VPS45: variants seen among roughly 807,000 people sequenced by gnomAD.
The protein encoded by VPS45 is vacuolar protein sorting 45 homolog.
A neutral mutation model predicts 75.9 loss-of-function variants in VPS45; 35 were observed. The ratio of observed to expected loss-of-function variants is 0.46; its 90% CI spans 0.35 to 0.61. VPS45 has a LOEUF of 0.61. VPS45 is among the 20% of genes least tolerant of loss of function. VPS45 has a pLI of 0.00. For missense variants in VPS45, 559 were observed against 685.9 expected, an observed-to-expected ratio of 0.81 and a Z score of 2.07; for synonymous variants, 220 against 238.2, an observed-to-expected ratio of 0.92 and a Z score of 0.70.
intron 10 of VPS45, among the ~76,000 whole-genome samples, chr1:150,084,970 A>G (rs1436784737): frequency 6.6e-6 from 1 of 152,074 alleles, no homozygotes; most frequent in Non-Finnish European, 1.5e-5. Flanking sequence ...TGGGTGCTCT[A>G]GTTATACCAG....
intron 14 of VPS45, among the ~76,000 whole-genome samples, chr1:150,138,565 T>TTAAA (rs1161571271): frequency 6.6e-6 from 1 of 152,164 alleles, no homozygotes; most frequent in Non-Finnish European, 1.5e-5. Flanking sequence ...GTCCTTTGCA[T>TTAAA]TATAGATGTT....
At chr1:150,075,138 CT>C (rs34217482) in intron 3 of VPS45, among the ~76,000 whole-genome samples, 2 of 119,244 alleles carry the variant, frequency 1.7e-5, no homozygotes, top group Admixed American at 8.7e-5. Flanking sequence ...TTAAAATTGT[CT>C]TTTTTTTTTT....
intron 3 of VPS45, among the ~76,000 whole-genome samples, chr1:150,073,068 A>T (rs1571815259): frequency 6.6e-6 from 1 of 152,244 alleles, no homozygotes; most frequent in Non-Finnish European, 1.5e-5. Context: ...GGTAGGGGAG[A>T]TCTGGAAATA....
In VPS45 at chr1:150,132,463, T is replaced by C. The variant is rs782313655; in HGVS notation, c.1626-12246T>C. ...CTACCAATTTTAAAGAGCCATCAAT[T>C]TGATGCCACTGGAATTATTTAAATA... On this transcript the variant is annotated intron_variant, in intron 14 of 14. Coordinates refer to ENST00000644510, the MANE Select transcript of VPS45 (RefSeq NM_007259.5). 2.0e-5 allele frequency among the ~76,000 whole-genome samples: 3 copies of C among 152,232 alleles called. No individual in the cohort carries two copies. In the East Asian group the frequency reaches 5.8e-4, roughly 29 times the overall value.
At chr1:150,086,706 G>A (rs1553800752) in intron 10 of VPS45, among the ~76,000 whole-genome samples, 1 of 152,108 alleles carries the variant, frequency 6.6e-6, no homozygotes, top group African/African-American at 2.4e-5. Context: ...TTAAGAAAAG[G>A]AATACTGGCT....
chr1:150,141,912 G>A (rs1348931047), intron 14 of VPS45, among the ~76,000 whole-genome samples: 2 of 152,180 alleles, frequency 1.3e-5, no homozygotes, highest in East Asian at 1.9e-4. Context: ...CAACGGAGAA[G>A]GGGATTTTTG....
chr1:150,123,334 G>C (rs892974813), intron 14 of VPS45, among the ~76,000 whole-genome samples: 1 of 152,108 alleles, frequency 6.6e-6, no homozygotes. Flanking sequence ...AAACATTTAT[G>C]TACAAGTTTT....
intron 3 of VPS45, 109 bp downstream of exon 3, chr1:150,072,335 T>C: frequency 3.8e-6 from 3 of 796,562 alleles, no homozygotes; most frequent in Non-Finnish European, 5.8e-6. Context: ...ACTATAAAAG[T>C]CTAGTTTATT....
chr1:150,096,884 A>G (rs1456285534), intron 13 of VPS45, among the ~76,000 whole-genome samples: 1 of 152,186 alleles, frequency 6.6e-6, no homozygotes, highest in Non-Finnish European at 1.5e-5. Context: ...CAAGTACACA[A>G]AGATACTTAA....
chr1:150,133,766 C>T lies in VPS45; in HGVS notation c.1626-10943C>T, dbSNP rs114235528. Among the ~76,000 whole-genome samples, 836 of 152,276 alleles carry T rather than the reference C, an allele frequency of 5.5e-3. 7 individuals are homozygous for T. The highest frequency in any genetic ancestry group is 0.027 in the Middle Eastern group (8 of 294). On this transcript the variant is annotated intron_variant, in intron 14 of 14. Coordinates refer to ENST00000644510, the MANE Select transcript of VPS45 (RefSeq NM_007259.5). Reference sequence around the variant, plus strand: ...GATAACTACCTTTCAGATATGTTCTCAGATGATAACCACCTTTCAGATCTC... The same window carrying T: ...GATAACTACCTTTCAGATATGTTCTTAGATGATAACCACCTTTCAGATCTC...
At chr1:150,073,100 A>G (rs139902146) in intron 3 of VPS45, among the ~76,000 whole-genome samples, 211 of 152,310 alleles carry the variant, frequency 1.4e-3, no homozygotes, top group Middle Eastern at 3.4e-3. Context: ...TGTTTACTAT[A>G]CAATTTACAT....
At chr1:150,086,278 AC>A (rs1553800646) in intron 10 of VPS45, among the ~76,000 whole-genome samples, 2 of 152,118 alleles carry the variant, frequency 1.3e-5, no homozygotes, top group South Asian at 4.1e-4. Flanking sequence ...AATAGTACTT[AC>A]CTCAGAATTG....
chr1:150,114,927 A>T (rs1243145004), intron 14 of VPS45, among the ~76,000 whole-genome samples: 1 of 150,424 alleles, frequency 6.6e-6, no homozygotes, highest in Admixed American at 6.6e-5. Context: ...AAACTTTAGT[A>T]TTTTTTTCAG....
At chr1:150,073,063 G>A (rs1178033649) in intron 3 of VPS45, among the ~76,000 whole-genome samples, 3 of 152,062 alleles carry the variant, frequency 2.0e-5, no homozygotes, top group African/African-American at 7.2e-5. Context: ...GGTTAGGTAG[G>A]GGAGATCTGG....
intron 13 of VPS45, among the ~76,000 whole-genome samples, chr1:150,097,552 C>G: frequency 6.6e-6 from 1 of 151,548 alleles, no homozygotes. Flanking sequence ...AACCCTGTCT[C>G]TACTAAAAAT....
In VPS45 at chr1:150,099,805, C is replaced by T. The variant is rs1448417584; in HGVS notation, c.1493+6157C>T. Among the ~76,000 whole-genome samples, 16 of 144,490 alleles carry T rather than the reference C, an allele frequency of 1.1e-4. No homozygotes were observed. The South Asian group carries it at 3.5e-3, about 31-fold the overall frequency. The allele number at this position is 144,490 out of a possible 152,430, so 94.8% of individuals were successfully genotyped here. The stretch of plus-strand genomic sequence containing the variant: ...CCAAAATCAAGCCACTGCTCTCCAG[C>T]CTGGGGGACAGAGCGAGACTCCGTC... On this transcript the variant is annotated intron_variant, in intron 13 of 14. Coordinates refer to ENST00000644510, the MANE Select transcript of VPS45 (RefSeq NM_007259.5).
intron 10 of VPS45, among the ~76,000 whole-genome samples, chr1:150,084,167 T>G (rs1325273548): frequency 1.3e-5 from 2 of 151,500 alleles, no homozygotes; most frequent in African/African-American, 4.9e-5. Context: ...CTGTAGAGAG[T>G]GAGTATGAAA....
At chr1:150,120,655 GT>G (rs1293627808) in intron 14 of VPS45, among the ~76,000 whole-genome samples, 3 of 152,012 alleles carry the variant, frequency 2.0e-5, no homozygotes, top group Non-Finnish European at 2.9e-5. Flanking sequence ...ATATTTTTTA[GT>G]GATTCAGGCG....
intron 9 of VPS45, among the ~76,000 whole-genome samples, chr1:150,082,258 G>C (rs1049955093): frequency 1.3e-5 from 2 of 152,200 alleles, no homozygotes; most frequent in East Asian, 1.9e-4. Flanking sequence ...TGTAATCCCA[G>C]CACTTTGGGA....
Sources: allele counts gnomAD v4.1 joint callset (sites outside exome capture counted in the v4.1 genomes callset), GRCh38; gene constraint gnomAD v4.1.1; transcripts MANE v1.5; gene names NCBI Gene and HGNC (gene_info 2026-07-23, HGNC 2026-07-21).